The following KLHL24 variants were observed in gnomAD, a reference collection of about 807,000 sequenced individuals.
KLHL24 encodes kelch-like protein 24.
KLHL24 carries 29 observed loss-of-function variants against 53.4 expected under a neutral mutation model. The ratio of observed to expected loss-of-function variants is 0.54; its 90% CI spans 0.40 to 0.74. The LOEUF (loss-of-function observed/expected upper bound fraction) is 0.74, where lower values mean the gene tolerates loss of function less well. Among genes scored for constraint, KLHL24 ranks in the 30% least tolerant of loss-of-function variants. KLHL24 has a pLI of 0.00. For synonymous variants in KLHL24, 222 were observed against 253.7 expected, an observed-to-expected ratio of 0.88 and a Z score of 1.19; for missense variants, 504 against 744.0, an observed-to-expected ratio of 0.68 and a Z score of 3.75.
chr3:183,658,688 G>A (rs1719263004), intron 3 of KLHL24, among the ~76,000 whole-genome samples: 1 of 152,138 alleles, frequency 6.6e-6, no homozygotes, highest in South Asian at 2.1e-4. Flanking sequence ...ATATGAAAGT[G>A]CCTACTTCTG....
intron 2 of KLHL24, among the ~76,000 whole-genome samples, chr3:183,646,252 C>T (rs865971042): frequency 6.7e-6 from 1 of 149,368 alleles, no homozygotes; most frequent in African/African-American, 2.5e-5. Context: ...GTCCCACCCG[C>T]TTGGACAGCT....
rs527474048 is a variant in KLHL24, at chr3:183,677,100, A to G, written c.1603-1986A>G. 1.1e-4 allele frequency among the ~76,000 whole-genome samples: 16 copies of G among 152,294 alleles called. No individual in the cohort carries two copies. In the East Asian group the frequency reaches 3.1e-3, roughly 29 times the overall value. On this transcript the variant is annotated intron_variant, in intron 7 of 7. Transcript: ENST00000242810. The stretch of plus-strand genomic sequence containing the variant: ...TTTTACTAGCATGAAATAAGCTATT[A>G]TATCGGATAGAGGTAATTTCCTGAT...
chr3:183,644,843 C>T (rs1214047637), intron 2 of KLHL24, among the ~76,000 whole-genome samples: 1 of 152,158 alleles, frequency 6.6e-6, no homozygotes, highest in Non-Finnish European at 1.5e-5. Context: ...CTTGTCCATT[C>T]TAGCCAAAGG....
At chr3:183,675,654 TG>T (rs980779934) in intron 7 of KLHL24, among the ~76,000 whole-genome samples, 1 of 152,044 alleles carries the variant, frequency 6.6e-6, no homozygotes, top group African/African-American at 2.4e-5. Flanking sequence ...CTGCTCAAGC[TG>T]GGTGCAGTGG....
chr3:183,673,940 A>G (rs540155605), intron 7 of KLHL24, among the ~76,000 whole-genome samples: 1 of 152,146 alleles, frequency 6.6e-6, no homozygotes, highest in East Asian at 1.9e-4. Context: ...CTAACTGCCT[A>G]TTTGATATTT....
chr3:183,667,438 C>T (rs957051084), intron 5 of KLHL24, among the ~76,000 whole-genome samples: 7 of 152,100 alleles, frequency 4.6e-5, no homozygotes, highest in South Asian at 2.1e-4. Flanking sequence ...CGAGCTTTAC[C>T]GCCTCAACTC....
At position 183,664,803 on chromosome 3, in the gene KLHL24, T is replaced by G. The variant is rs559306672; in HGVS notation, c.1106-118T>G. The G allele has an allele frequency of 2.4e-4, 129 of 527,102 alleles. 1 individual carries two copies. The highest frequency in any genetic ancestry group is 2.2e-3 in the African/African-American group (116 of 52,490). The allele number at this position is 527,102 out of a possible 1,614,324, so 32.7% of individuals were successfully genotyped here. On this transcript the variant is annotated intron_variant, in intron 4 of 7. Coordinates refer to ENST00000242810, the MANE Select transcript of KLHL24 (RefSeq NM_017644.3). ...TTATTTATTGAGCTGAATTCTCAAA[T>G]TCTTGAATTAGATGAATGAATTCCA...
chr3:183,641,841 T>G (rs1336772827), intron 1 of KLHL24, among the ~76,000 whole-genome samples: 1 of 152,224 alleles, frequency 6.6e-6, no homozygotes, highest in Non-Finnish European at 1.5e-5. Flanking sequence ...ACGCTGTAGA[T>G]TAATTCTGAT....
intron 2 of KLHL24, among the ~76,000 whole-genome samples, chr3:183,645,852 T>C (rs1283398677): frequency 6.6e-6 from 1 of 152,174 alleles, no homozygotes; most frequent in African/African-American, 2.4e-5. Context: ...TTGTGGGAGT[T>C]ACTTTGTTGA....
At chr3:183,652,451 TA>T (rs1718253785) in intron 3 of KLHL24, among the ~76,000 whole-genome samples, 1 of 152,140 alleles carries the variant, frequency 6.6e-6, no homozygotes, top group Non-Finnish European at 1.5e-5. Context: ...TTAATTGTGG[TA>T]AAAAACACAT....
At chr3:183,657,630 G>C (rs1405313682) in intron 3 of KLHL24, among the ~76,000 whole-genome samples, 1 of 152,174 alleles carries the variant, frequency 6.6e-6, no homozygotes, top group African/African-American at 2.4e-5. Flanking sequence ...CTTGCTCCTA[G>C]TCACAAAGCT....
chr3:183,672,983 G>A (rs759960952), intron 7 of KLHL24: 1 of 151,914 alleles, frequency 6.6e-6, no homozygotes, highest in Non-Finnish European at 1.5e-5. Context: ...CAGCAAGAGC[G>A]AAACTCCGTC....
chr3:183,665,041 T>C lies in KLHL24; in HGVS notation c.1224+2T>C. The C allele has an allele frequency of 6.7e-7, 1 of 1,499,140 alleles. No individual in the cohort carries two copies. The highest frequency in any genetic ancestry group is 9.3e-7 in the Non-Finnish European group (1 of 1,077,796). 92.9% of individuals were successfully genotyped at this position (1,499,140 alleles called of 1,614,324 possible). The stretch of plus-strand genomic sequence containing the variant: ...AAAATGGCTGTCCTCCTTGGTAAAG[T>C]AAGAGAAACCACTTTTTATTACTAT... On this transcript the variant is annotated splice_donor_variant, in intron 5 of 7. Transcript: ENST00000242810. LOFTEE classifies it high-confidence loss of function.
chr3:183,647,617 A>G (rs543445584), intron 2 of KLHL24, among the ~76,000 whole-genome samples: 8 of 152,218 alleles, frequency 5.3e-5, no homozygotes, highest in African/African-American at 1.7e-4. Context: ...AGGCTGAAGC[A>G]GGAGAATCAC....
chr3:183,636,602 T>G (rs1421380988), intron 1 of KLHL24: 2 of 152,268 alleles, frequency 1.3e-5, no homozygotes, highest in African/African-American at 4.8e-5. Flanking sequence ...ACACCCCGGG[T>G]GAAGACTGTT....
At chr3:183,654,522 T>G (rs958302852) in intron 3 of KLHL24, among the ~76,000 whole-genome samples, 2 of 147,008 alleles carry the variant, frequency 1.4e-5, no homozygotes, top group Non-Finnish European at 2.9e-5. Context: ...TTATATATGT[T>G]TTTTAGTTGA....
At chr3:183,668,787 C>A (rs915756053) in intron 5 of KLHL24, among the ~76,000 whole-genome samples, 2 of 152,104 alleles carry the variant, frequency 1.3e-5, no homozygotes, top group Admixed American at 1.3e-4. Flanking sequence ...CACCTGTAAT[C>A]CCGGCTACTT....
chr3:183,665,102 A>G, intron 5 of KLHL24, 63 bp downstream of exon 5: 1 of 833,660 alleles, frequency 1.2e-6, no homozygotes, highest in Non-Finnish European at 2.0e-6. Context: ...CCACAGCTGA[A>G]TCTTTCATTT....
chr3:183,642,550 C>T (rs1322915150), intron 1 of KLHL24, among the ~76,000 whole-genome samples: 1 of 143,814 alleles, frequency 7.0e-6, no homozygotes, highest in African/African-American at 2.6e-5. Flanking sequence ...ATTCTGTACA[C>T]AGCTCAAGGT....
Sources: gnomAD v4.1 joint callset for allele counts (sites outside exome capture counted in the v4.1 genomes callset) on GRCh38, gnomAD v4.1.1 for gene constraint, MANE v1.5 for transcripts, NCBI Gene and HGNC (gene_info 2026-07-23, HGNC 2026-07-21) for gene names.